NYAP2: variants seen among roughly 807,000 people sequenced by gnomAD.
The protein encoded by NYAP2 is neuronal tyrosine-phosphorylated phosphoinositide-3-kinase adapter 2.
NYAP2 carries 23 observed loss-of-function variants against 50.4 expected under a neutral mutation model. The ratio of observed to expected loss-of-function variants is 0.46; its 90% confidence interval spans 0.33 to 0.65. NYAP2 has a LOEUF of 0.65. NYAP2 is among the 30% of genes least tolerant of loss of function. The pLI is 0.02. For synonymous variants in NYAP2, 394 were observed against 365.2 expected (o/e 1.08, Z -0.90); for missense variants, 885 against 861.0 (o/e 1.03, Z -0.35).
At position 225,645,214 on chromosome 2, in the gene NYAP2, C is replaced by T. The variant is rs566188889; in HGVS notation, c.1829-6218C>T. Among the ~76,000 whole-genome samples, 404 of 146,902 alleles carry T rather than the reference C, an allele frequency of 2.8e-3. 2 individuals are homozygous for T. Among genetic ancestry groups the T allele is most frequent in the African/African-American group, 8.5e-3 (337 of 39,618 alleles). On this transcript the variant is annotated intron_variant, in intron 6 of 6. Transcript: ENST00000636099. ...TGGAGGTTGCAGTGAGCTGAGATCA[C>T]GTCACTGCACTCCAGCCTGGGCAGA...
chr2:225,588,047 C>T (rs958164747), intron 5 of NYAP2, among the ~76,000 whole-genome samples: 1 of 152,064 alleles, frequency 6.6e-6, no homozygotes, highest in East Asian at 1.9e-4. Context: ...GCCTCAGTCT[C>T]CCGAGTAGCT....
intron 5 of NYAP2, among the ~76,000 whole-genome samples, chr2:225,621,294 C>T (rs536717265): frequency 1.3e-5 from 2 of 152,300 alleles, no homozygotes; most frequent in Non-Finnish European, 2.9e-5. Context: ...TGTCTCAGGA[C>T]ACTGAAAAAC....
At chr2:225,669,943 A>T in the NYAP2 span, among the ~76,000 whole-genome samples, 2 of 152,172 alleles carry the variant, frequency 1.3e-5, no homozygotes, top group Non-Finnish European at 2.9e-5. Flanking sequence ...TCGGGTTGTT[A>T]TGAAGTACAC....
the NYAP2 span, among the ~76,000 whole-genome samples, chr2:225,689,638 C>T: frequency 1.3e-5 from 2 of 152,052 alleles, no homozygotes; most frequent in African/African-American, 4.8e-5. Context: ...CCAGTACATG[C>T]TTCAGGTGTA....
chr2:225,398,219 G>A (rs1694802917), upstream of NYAP2, among the ~76,000 whole-genome samples: 1 of 151,934 alleles, frequency 6.6e-6, no homozygotes, highest in South Asian at 2.1e-4. Flanking sequence ...AGTCAGCCCA[G>A]GGACCTTGGG....
In NYAP2 at chr2:225,620,404, C is replaced by T. The variant is rs374941296; in HGVS notation, c.1619-6513C>T. ...ACCCACACGCACGCACGCACACACG[C>T]GCACGCACACATGCACGCACACGCA... On this transcript the variant is annotated intron_variant, in intron 5 of 6. Transcript: ENST00000636099. 6.9e-5 allele frequency among the ~76,000 whole-genome samples: 10 copies of T among 145,586 alleles called. 1 individual carries two copies. The highest frequency in any genetic ancestry group is 4.0e-4 in the East Asian group (2 of 4,950).
At position 225,552,119 on chromosome 2, in the gene NYAP2, TC is replaced by T. The variant is rs1266942143; in HGVS notation, c.524-29821del. ...CGAGCCACTGCACCTGGCACTTCTT[TC>T]TTTTTGATTCATTGTTCTTATTATT... On this transcript the variant is annotated intron_variant, in intron 4 of 6. Transcript: ENST00000636099. Among the ~76,000 whole-genome samples, 12 of 152,310 alleles carry T rather than the reference TC, an allele frequency of 7.9e-5. No homozygotes were observed. In the East Asian group the frequency reaches 2.3e-3, roughly 29 times the overall value.
chr2:225,418,960 A>G (rs1018320705), intron 3 of NYAP2, among the ~76,000 whole-genome samples: 8 of 152,236 alleles, frequency 5.3e-5, no homozygotes, highest in East Asian at 3.8e-4. Flanking sequence ...TGTTAACTAC[A>G]GGTACAGATC....
At chr2:225,583,409 T>C (rs1692335793) in intron 5 of NYAP2, among the ~76,000 whole-genome samples, 1 of 151,942 alleles carries the variant, frequency 6.6e-6, no homozygotes, top group Admixed American at 6.6e-5. Flanking sequence ...GGCCTTTGAG[T>C]TGCAATCTTA....
chr2:225,493,788 T>C (rs1178132286), intron 3 of NYAP2, among the ~76,000 whole-genome samples: 1 of 152,338 alleles, frequency 6.6e-6, no homozygotes, highest in East Asian at 1.9e-4. Context: ...TTTGGTGGCA[T>C]TTGCTAATTT....
At chr2:225,529,470 C>G (rs915415669) in intron 4 of NYAP2, among the ~76,000 whole-genome samples, 3 of 152,018 alleles carry the variant, frequency 2.0e-5, no homozygotes, top group Non-Finnish European at 4.4e-5. Flanking sequence ...GCATTACAGA[C>G]ATGAGCCACC....
At chr2:225,513,385 T>A in exon 4 of NYAP2, 1 of 1,613,986 alleles carries the variant, frequency 6.2e-7, no homozygotes, top group Non-Finnish European at 8.5e-7. Flanking sequence ...GGTGGAGAAG[T>A]AGGGCGAGGC....
intron 3 of NYAP2, among the ~76,000 whole-genome samples, chr2:225,451,587 A>G (rs1425222579): frequency 6.6e-6 from 1 of 152,202 alleles, no homozygotes; most frequent in Non-Finnish European, 1.5e-5. Flanking sequence ...ATTTAGAATA[A>G]CAGGTAGACC....
chr2:225,444,198 T>A (rs1559181309), intron 3 of NYAP2, among the ~76,000 whole-genome samples: 1 of 151,976 alleles, frequency 6.6e-6, no homozygotes, highest in Non-Finnish European at 1.5e-5. Flanking sequence ...CAGAGAGATT[T>A]GTTTTCTGTC....
intron 3 of NYAP2, among the ~76,000 whole-genome samples, chr2:225,481,228 C>A (rs1274725989): frequency 6.6e-6 from 1 of 152,098 alleles, no homozygotes; most frequent in African/African-American, 2.4e-5. Flanking sequence ...GTCAGGTTAT[C>A]CATGTACTTT....
chr2:225,565,490 T>G (rs1463539517), intron 4 of NYAP2, among the ~76,000 whole-genome samples: 1 of 152,176 alleles, frequency 6.6e-6, no homozygotes, highest in Non-Finnish European at 1.5e-5. Flanking sequence ...AAATCACTCA[T>G]TTTACAATTT....
intron 3 of NYAP2, among the ~76,000 whole-genome samples, chr2:225,462,801 A>G (rs1646957941): frequency 6.6e-6 from 1 of 152,206 alleles, no homozygotes; most frequent in African/African-American, 2.4e-5. Context: ...CATTAAAAAA[A>G]CTGACCTGTT....
chr2:225,657,210 A>G (rs1693843953), downstream of NYAP2, among the ~76,000 whole-genome samples: 1 of 149,742 alleles, frequency 6.7e-6, no homozygotes, highest in South Asian at 2.1e-4. Flanking sequence ...TCCAAGTTCA[A>G]CTGATTCTCC....
the NYAP2 span, among the ~76,000 whole-genome samples, chr2:225,684,671 C>T: frequency 6.6e-6 from 1 of 152,058 alleles, no homozygotes; most frequent in East Asian, 1.9e-4. Context: ...GCTGCCTCAG[C>T]CTCCAGAGTA....
Sources: gnomAD v4.1 joint callset for allele counts (sites outside exome capture counted in the v4.1 genomes callset) on GRCh38, gnomAD v4.1.1 for gene constraint, MANE v1.5 for transcripts, NCBI Gene and HGNC (gene_info 2026-07-23, HGNC 2026-07-21) for gene names.